The following RNF152 variants were observed in gnomAD, a reference collection of about 807,000 sequenced individuals.
RNF152 encodes the protein E3 ubiquitin-protein ligase RNF152.
A neutral mutation model predicts 12.7 loss-of-function variants in RNF152; 11 were observed. The ratio of observed to expected loss-of-function variants is 0.86; its 90% confidence interval spans 0.54 to 1.43. The LOEUF (loss-of-function observed/expected upper bound fraction) is 1.43, where lower values mean the gene tolerates loss of function less well. RNF152 is among the 40% of genes most tolerant of loss of function. The probability of loss-of-function intolerance (pLI) is 0.00; values close to 1 mark genes in which losing one functional copy is unlikely to be tolerated. For synonymous variants in RNF152, 113 were observed against 120.3 expected, an observed-to-expected ratio of 0.94 and a Z score of 0.40; for missense variants, 255 against 274.8, an observed-to-expected ratio of 0.93 and a Z score of 0.51.
chr18:61,853,274 C>T (rs1294865275), intron 1 of RNF152, among the ~76,000 whole-genome samples: 1 of 147,974 alleles, frequency 6.8e-6, no homozygotes, highest in Non-Finnish European at 1.5e-5. Context: ...GGGGCTCTAA[C>T]GGGAGAATCT....
intron 1 of RNF152, among the ~76,000 whole-genome samples, chr18:61,829,738 G>T (rs1371845569): frequency 6.6e-6 from 1 of 152,042 alleles, no homozygotes; most frequent in Non-Finnish European, 1.5e-5. Flanking sequence ...GCTGAGAAAG[G>T]CCAAGCCTCC....
In RNF152 at chr18:61,812,419, C is replaced by CA. The variant is rs1447125201; in HGVS notation, c.*3432dup. ...CAAGGGACCCAATCTGTAAGCCATG[C>CA]AAAAAATTAAACTTAATTCTATTTT... On this transcript the variant is annotated 3_prime_UTR_variant, in exon 2 of 2. Transcript: ENST00000312828. 1.3e-5 allele frequency: 2 copies of CA among 152,060 alleles called. No individual in the cohort carries two copies. 9.4% of individuals were successfully genotyped at this position (152,060 alleles called of 1,614,324 possible). A position where few individuals can be genotyped will look rare whatever the true frequency, so the allele number is the denominator to read the frequency against.
chr18:61,872,006 T>C (rs1168500594), intron 1 of RNF152, among the ~76,000 whole-genome samples: 2 of 152,160 alleles, frequency 1.3e-5, no homozygotes, highest in African/African-American at 4.8e-5. Context: ...AGAGGCTTAA[T>C]TGGCTCACGG....
intron 1 of RNF152, among the ~76,000 whole-genome samples, chr18:61,842,623 C>T (rs1392541815): frequency 6.6e-6 from 1 of 152,186 alleles, no homozygotes; most frequent in Non-Finnish European, 1.5e-5. Flanking sequence ...GTGTATTAGT[C>T]TATTTTTGCG....
chr18:61,840,639 A>T (rs894696277), intron 1 of RNF152, among the ~76,000 whole-genome samples: 33 of 152,078 alleles, frequency 2.2e-4, no homozygotes, highest in African/African-American at 7.7e-4. Context: ...CACCTTGCAC[A>T]ATTCCCTTCC....
intron 1 of RNF152, among the ~76,000 whole-genome samples, chr18:61,872,526 C>T (rs1288999932): frequency 6.6e-6 from 1 of 152,162 alleles, no homozygotes; most frequent in Non-Finnish European, 1.5e-5. Flanking sequence ...TTTTTAATCA[C>T]CAAATATTCA....
chr18:61,876,516 G>A (rs1384278871), intron 1 of RNF152, among the ~76,000 whole-genome samples: 2 of 152,134 alleles, frequency 1.3e-5, no homozygotes, highest in African/African-American at 2.4e-5. Context: ...GATGTTAGTC[G>A]AAGTCATGAA....
At position 61,829,311 on chromosome 18, in the gene RNF152, G is replaced by A. The variant is rs575818022; in HGVS notation, c.-135-12713C>T. Among the ~76,000 whole-genome samples, 199 of 152,114 alleles carry A rather than the reference G, an allele frequency of 1.3e-3. 3 individuals carry two copies. In the South Asian group the frequency reaches 0.026, roughly 20 times the overall value. ...AGTTCTCAGGATGACTAATCAGCCC[G>A]GCCAGAGGAGGCACAGACCCAGAGA... On this transcript the variant is annotated intron_variant, in intron 1 of 1. Transcript: ENST00000312828.
rs537645536 is a variant in RNF152, at chr18:61,833,437, G to A, written c.-135-16839C>T. Among the ~76,000 whole-genome samples, 4 of 152,312 alleles carry A rather than the reference G, an allele frequency of 2.6e-5. No homozygotes were observed. In the South Asian group the frequency reaches 8.3e-4, roughly 32 times the overall value. On this transcript the variant is annotated intron_variant, in intron 1 of 1. Transcript: ENST00000312828. ...TGATTCACAATGCCCCACTGCTACAGCTGCAAATCCAATTCCAGCTTCTAC... is the reference window on the plus strand; with the variant it reads ...TGATTCACAATGCCCCACTGCTACAACTGCAAATCCAATTCCAGCTTCTAC...
At chr18:61,828,417 A>G (rs1341319356) in intron 1 of RNF152, among the ~76,000 whole-genome samples, 1 of 151,712 alleles carries the variant, frequency 6.6e-6, no homozygotes, top group East Asian at 1.9e-4. Context: ...ATGCCCAGCT[A>G]CTTTTCCAAA....
At chr18:61,853,704 T>G (rs1428085813) in intron 1 of RNF152, among the ~76,000 whole-genome samples, 1 of 152,212 alleles carries the variant, frequency 6.6e-6, no homozygotes, top group African/African-American at 2.4e-5. Flanking sequence ...CTTTGACTAT[T>G]CTACCTCTTT....
chr18:61,834,716 T>C (rs920524431), intron 1 of RNF152, among the ~76,000 whole-genome samples: 1 of 152,206 alleles, frequency 6.6e-6, no homozygotes, highest in African/African-American at 2.4e-5. Context: ...GCTACCAGTA[T>C]TTGCAGGCAA....
intron 1 of RNF152, among the ~76,000 whole-genome samples, chr18:61,872,356 C>T (rs957222087): frequency 2.7e-4 from 41 of 152,142 alleles, no homozygotes; most frequent in African/African-American, 9.2e-4. Flanking sequence ...CAAACCTGAT[C>T]GCTGAAGTTC....
intron 1 of RNF152, among the ~76,000 whole-genome samples, chr18:61,854,180 T>C (rs1216791570): frequency 6.6e-6 from 1 of 152,226 alleles, no homozygotes; most frequent in Non-Finnish European, 1.5e-5. Flanking sequence ...GTGTTTTTCC[T>C]TTCACTCAGT....
At chr18:61,836,054 T>C (rs1910167317) in intron 1 of RNF152, among the ~76,000 whole-genome samples, 1 of 152,186 alleles carries the variant, frequency 6.6e-6, no homozygotes. Flanking sequence ...CCTTGTCAAC[T>C]GAAAGGCCTA....
intron 1 of RNF152, among the ~76,000 whole-genome samples, chr18:61,862,989 T>C (rs1911557493): frequency 6.6e-6 from 1 of 151,872 alleles, no homozygotes; most frequent in African/African-American, 2.4e-5. Context: ...ATTGTTGTGG[T>C]GTGAGAACAA....
chr18:61,836,472 CT>C (rs1910190791), intron 1 of RNF152, among the ~76,000 whole-genome samples: 1 of 152,008 alleles, frequency 6.6e-6, no homozygotes, highest in Non-Finnish European at 1.5e-5. Flanking sequence ...GATTAGTGCC[CT>C]TATAAGAAGA....
At chr18:61,835,512 G>A (rs1000907782) in intron 1 of RNF152, among the ~76,000 whole-genome samples, 6 of 152,058 alleles carry the variant, frequency 3.9e-5, no homozygotes, top group Non-Finnish European at 7.4e-5. Context: ...GAGGCAGGTG[G>A]GAACAGAGAG....
intron 1 of RNF152, among the ~76,000 whole-genome samples, chr18:61,820,478 T>C (rs545375439): frequency 6.6e-6 from 1 of 151,790 alleles, no homozygotes; most frequent in African/African-American, 2.4e-5. Flanking sequence ...CAGGTGAAAG[T>C]GCACAGACAG....
Sources: gnomAD v4.1 joint callset for allele counts (sites outside exome capture counted in the v4.1 genomes callset) on GRCh38, gnomAD v4.1.1 for gene constraint, MANE v1.5 for transcripts, NCBI Gene and HGNC (gene_info 2026-07-23, HGNC 2026-07-21) for gene names.